LRCH1: variants seen among roughly 807,000 people sequenced by gnomAD.
The protein encoded by LRCH1 is leucine rich repeats and calponin homology domain containing 1.
Under a neutral mutation model 94.9 loss-of-function variants are expected in LRCH1, and 23 were observed. That is an observed-to-expected ratio of 0.24 (90% CI 0.17 to 0.34). The LOEUF (loss-of-function observed/expected upper bound fraction) is 0.34. Among genes scored for constraint, LRCH1 ranks in the 10% least tolerant of loss-of-function variants. The pLI, the probability that LRCH1 is intolerant of heterozygous loss-of-function variation, is 1.00. For missense variants in LRCH1, 790 were observed against 945.9 expected (o/e 0.84, Z 2.16); for synonymous variants, 364 against 354.9 (o/e 1.03, Z -0.29).
Position 46,626,504 on chromosome 13 carries a change from T to G in LRCH1, c.308-23697T>G, listed in dbSNP as rs112549745. ...TTGTAATTCTCCTTACCCTTGAGAATGTACTTTGTGAGATCCACTCCTGCC... is the reference window on the plus strand; with the variant it reads ...TTGTAATTCTCCTTACCCTTGAGAAGGTACTTTGTGAGATCCACTCCTGCC... On this transcript the variant is annotated intron_variant, in intron 1 of 19. Transcript: ENST00000389797. Among the ~76,000 whole-genome samples the G allele has an allele frequency of 7.1e-3, 1,076 of 152,362 alleles. 12 individuals are homozygous for G. The highest frequency in any genetic ancestry group is 0.024 in the African/African-American group (1,004 of 41,582).
intron 11 of LRCH1, among the ~76,000 whole-genome samples, chr13:46,703,976 C>T (rs1051833065): frequency 3.9e-5 from 6 of 152,078 alleles, no homozygotes; most frequent in Non-Finnish European, 7.4e-5. Context: ...CCAAGTGACA[C>T]TTGATTTGCA....
At chr13:46,605,627 AT>A (rs1186677068) in intron 1 of LRCH1, among the ~76,000 whole-genome samples, 1 of 151,896 alleles carries the variant, frequency 6.6e-6, no homozygotes, top group East Asian at 1.9e-4. Context: ...GCTTGTAAAT[AT>A]TTTTGTTGGG....
intron 17 of LRCH1, among the ~76,000 whole-genome samples, chr13:46,728,063 C>T (rs968028367): frequency 2.6e-5 from 4 of 151,788 alleles, no homozygotes; most frequent in African/African-American, 4.8e-5. Context: ...ACCGCAGGTA[C>T]ACATCACCAC....
At chr13:46,711,649 A>G in intron 13 of LRCH1, 142 bp from the exon 14 acceptor site, 1 of 577,276 alleles carries the variant, frequency 1.7e-6, no homozygotes, top group Non-Finnish European at 3.1e-6. Flanking sequence ...TTAGTTACTG[A>G]ACACACTAAC....
At chr13:46,597,410 G>T (rs1161982606) in intron 1 of LRCH1, among the ~76,000 whole-genome samples, 1 of 151,852 alleles carries the variant, frequency 6.6e-6, no homozygotes, top group Non-Finnish European at 1.5e-5. Context: ...AGGCTGGAGT[G>T]CAGTGGCTTG....
intron 1 of LRCH1, among the ~76,000 whole-genome samples, chr13:46,632,463 C>T (rs73190991): frequency 0.016 from 2,441 of 152,288 alleles, 26 homozygotes; most frequent in Non-Finnish European, 0.027. Flanking sequence ...ATTTTTTCAT[C>T]ATTTTTATGT....
intron 1 of LRCH1, among the ~76,000 whole-genome samples, chr13:46,567,492 T>TTGTGTGTGTGGGTGTGTGTGTG (rs2050196800): frequency 7.0e-6 from 1 of 141,866 alleles, no homozygotes; most frequent in African/African-American, 2.7e-5. Context: ...TAAGGCAATT[T>TTGTGTGTGTGGGTGTGTGTGTG]TGTGTGTGTG....
At chr13:46,625,631 G>GTTTTTTTTTTTTTTTTTTTTTTTT (rs149512536) in intron 1 of LRCH1, among the ~76,000 whole-genome samples, 1 of 126,264 alleles carries the variant, frequency 7.9e-6, no homozygotes. Flanking sequence ...AAATGTGTGG[G>GTTTTTTTTTTTTTTTTTTTTTTTT]GTTTTTTTTT....
intron 9 of LRCH1, among the ~76,000 whole-genome samples, chr13:46,696,541 T>C (rs1871200561): frequency 6.6e-6 from 1 of 152,094 alleles, no homozygotes; most frequent in Non-Finnish European, 1.5e-5. Context: ...GATTCAGAGA[T>C]TTCAAGGACT....
rs1019945660 is a variant in LRCH1, at chr13:46,641,610, A to G, written c.308-8591A>G. On this transcript the variant is annotated intron_variant, in intron 1 of 19. Transcript: ENST00000389797. The stretch of plus-strand genomic sequence containing the variant: ...CAAGATGAGATCTTCTCTTCTGACC[A>G]TAAAACAAGATGTTGCAAACGAGGT... Among the ~76,000 whole-genome samples the G allele has an allele frequency of 3.9e-5, 6 of 152,200 alleles. No homozygotes were observed. In the East Asian group the frequency reaches 1.2e-3, roughly 29 times the overall value.
intron 11 of LRCH1, among the ~76,000 whole-genome samples, chr13:46,704,305 T>A (rs1199019980): frequency 6.6e-6 from 1 of 152,056 alleles, no homozygotes; most frequent in South Asian, 2.1e-4. Context: ...ATTTCATAGA[T>A]CCAGGAATTT....
At chr13:46,688,270 T>C (rs1313092362) in intron 6 of LRCH1, among the ~76,000 whole-genome samples, 1 of 152,234 alleles carries the variant, frequency 6.6e-6, no homozygotes, top group Non-Finnish European at 1.5e-5. Context: ...TGTGCATACT[T>C]ATAAATAAGA....
intron 1 of LRCH1, among the ~76,000 whole-genome samples, chr13:46,620,340 A>G (rs2050866193): frequency 6.6e-6 from 1 of 151,782 alleles, no homozygotes. Context: ...ACTCCAGCCT[A>G]GGTGACAGTA....
intron 7 of LRCH1, among the ~76,000 whole-genome samples, chr13:46,691,820 G>C (rs193251262): frequency 3.7e-4 from 57 of 152,296 alleles, no homozygotes; most frequent in Admixed American, 1.9e-3. Flanking sequence ...CTCCCTTATA[G>C]CTAGGACTAT....
intron 1 of LRCH1, among the ~76,000 whole-genome samples, chr13:46,648,497 C>T (rs758216534): frequency 1.4e-4 from 22 of 152,150 alleles, no homozygotes; most frequent in Non-Finnish European, 2.1e-4. Context: ...AATATCCAGG[C>T]GAGCTCATCC....
intron 8 of LRCH1, 69 bp downstream of exon 8, chr13:46,692,710 T>C: frequency 8.7e-7 from 1 of 1,151,574 alleles, no homozygotes; most frequent in Non-Finnish European, 1.3e-6. Flanking sequence ...AAATAACCTG[T>C]GCACAGATAG....
At chr13:46,603,596 A>C (rs1397228972) in intron 1 of LRCH1, among the ~76,000 whole-genome samples, 1 of 152,210 alleles carries the variant, frequency 6.6e-6, no homozygotes, top group Non-Finnish European at 1.5e-5. Context: ...AACCATTTTA[A>C]GCATTGGTAG....
intron 13 of LRCH1, among the ~76,000 whole-genome samples, chr13:46,707,430 A>G (rs1239119231): frequency 6.6e-6 from 1 of 152,174 alleles, no homozygotes; most frequent in East Asian, 1.9e-4. Flanking sequence ...ATGTTAATTT[A>G]TCACCCAATC....
Position 46,744,231 on chromosome 13 carries a change from G to A in LRCH1, c.*2383G>A, listed in dbSNP as rs916629745. 1.6e-5 allele frequency: 16 copies of A among 985,344 alleles called. No homozygotes were observed. The highest frequency in any genetic ancestry group is 1.8e-5 in the Non-Finnish European group (15 of 829,948). The allele number at this position is 985,344 out of a possible 1,614,324, so 61.0% of individuals were successfully genotyped here. On this transcript the variant is annotated 3_prime_UTR_variant, in exon 20 of 20. Transcript: ENST00000389797. ...GGCTGACCTCCTTAGAGTCTGAGAA[G>A]TAGTCAGGGATGTCACTGAGTGGTT...
Sources: allele counts gnomAD v4.1 joint callset (sites outside exome capture counted in the v4.1 genomes callset), GRCh38; gene constraint gnomAD v4.1.1; transcripts MANE v1.5; gene names NCBI Gene and HGNC (gene_info 2026-07-23, HGNC 2026-07-21).